TNFAIP6: variants seen among roughly 807,000 people sequenced by gnomAD.
TNFAIP6 encodes the protein tumor necrosis factor-inducible gene 6 protein.
Under a neutral mutation model 33.7 loss-of-function variants are expected in TNFAIP6, and 36 were observed. The observed-to-expected ratio is 1.07, with a 90% CI of 0.82 to 1.41. TNFAIP6 has a LOEUF of 1.41. Ranked by LOEUF, TNFAIP6 falls within the 40% of genes most tolerant of loss-of-function variation. TNFAIP6 has a pLI of 0.00. For missense variants in TNFAIP6, 273 were observed against 331.9 expected (o/e 0.82, Z 1.38); for synonymous variants, 113 against 112.8 (o/e 1.00, Z -0.01).
rs573375932 is a variant in TNFAIP6, at chr2:151,379,040, C to T, written c.665-324C>T. On this transcript the variant is annotated intron_variant, in intron 5 of 5. Transcript: ENST00000243347. ...GCTTGAGCCCGGGAGGCGGAGGTTG[C>T]GGTGAGCCGAGATCGCGCCACAGCA... Among the ~76,000 whole-genome samples, 22 of 152,120 alleles carry T rather than the reference C, an allele frequency of 1.4e-4. No homozygotes were observed. The South Asian group carries it at 3.1e-3, about 22-fold the overall frequency.
chr2:151,362,488 T>G (rs796240576), intron 1 of TNFAIP6, among the ~76,000 whole-genome samples: 269 of 94,394 alleles, frequency 2.8e-3, no homozygotes, highest in South Asian at 8.8e-3. Context: ...TTCTTTTTTT[T>G]TTTTTTTTTT....
chr2:151,366,812 G>A (rs1446393965), intron 3 of TNFAIP6, among the ~76,000 whole-genome samples: 1 of 151,944 alleles, frequency 6.6e-6, no homozygotes, highest in African/African-American at 2.4e-5. Flanking sequence ...GTATATACTA[G>A]CTATCATTAT....
intron 4 of TNFAIP6, among the ~76,000 whole-genome samples, 155 bp from the exon 5 acceptor site, chr2:151,373,389 CCTACT>C (rs1388199206): frequency 6.6e-6 from 1 of 152,092 alleles, no homozygotes; most frequent in African/African-American, 2.4e-5. Context: ...TGTTTTAACT[CCTACT>C]CTCTCTTACA....
Position 151,374,785 on chromosome 2 carries a change from T to C in TNFAIP6, c.664+1196T>C, listed in dbSNP as rs1684874488. On this transcript the variant is annotated intron_variant, in intron 5 of 5. Transcript: ENST00000243347. Reference sequence around the variant, plus strand: ...AAGTTGAAAGAAAACATCTTATTGCTGTAGGAGGTAGTTGGGGGATGAGAA... The same window carrying C: ...AAGTTGAAAGAAAACATCTTATTGCCGTAGGAGGTAGTTGGGGGATGAGAA... Among the ~76,000 whole-genome samples, 3 of 152,170 alleles carry C rather than the reference T, an allele frequency of 2.0e-5. No homozygotes were observed. The South Asian group carries it at 6.2e-4, about 32-fold the overall frequency.
At chr2:151,380,631 CAG>C (rs1419996751), downstream of TNFAIP6, among the ~76,000 whole-genome samples, 2 of 152,102 alleles carry the variant, frequency 1.3e-5, no homozygotes, top group African/African-American at 2.4e-5. Context: ...AGAGCAGAAA[CAG>C]AAAACAAAAA....
At chr2:151,359,159 T>A (rs567417700) in intron 1 of TNFAIP6, among the ~76,000 whole-genome samples, 1 of 152,168 alleles carries the variant, frequency 6.6e-6, no homozygotes, top group Non-Finnish European at 1.5e-5. Context: ...AATTGCAAAT[T>A]GCTTCAATCT....
rs1323469051 is a variant in TNFAIP6, at chr2:151,379,763, T to A, written c.*230T>A. On this transcript the variant is annotated 3_prime_UTR_variant, in exon 6 of 6. Transcript: ENST00000243347. ...CGTTAACATTTTCATATTTTTTTCT[T>A]TCAGTCATTTTTCTATTTGTGGTAT... 1 of 298,726 alleles carries A rather than the reference T, an allele frequency of 3.3e-6. No individual in the cohort carries two copies. The highest frequency in any genetic ancestry group is 6.0e-6 in the Non-Finnish European group (1 of 166,666). 18.5% of individuals were successfully genotyped at this position (298,726 alleles called of 1,614,324 possible).
intron 3 of TNFAIP6, among the ~76,000 whole-genome samples, chr2:151,368,961 G>C (rs956512546): frequency 1.3e-5 from 2 of 152,194 alleles, no homozygotes; most frequent in African/African-American, 2.4e-5. Context: ...GGGAAGCTGA[G>C]GTGGGTCGAT....
At chr2:151,359,492 C>G (rs1012088305) in intron 1 of TNFAIP6, among the ~76,000 whole-genome samples, 1 of 151,614 alleles carries the variant, frequency 6.6e-6, no homozygotes, top group Admixed American at 6.6e-5. Context: ...AGGTTCACGC[C>G]ATTCTCCTGC....
chr2:151,362,198 A>G lies in TNFAIP6; in HGVS notation c.95-1745A>G, dbSNP rs962416396. Among the ~76,000 whole-genome samples the G allele has an allele frequency of 3.3e-5, 5 of 152,298 alleles. No homozygotes were observed. In the South Asian group the frequency reaches 8.3e-4, roughly 25 times the overall value. ...ACTATTGTCCTGGGAATCTTTTCAC[A>G]TTGTTTCTATGGTAGAAGGGACTCC... On this transcript the variant is annotated intron_variant, in intron 1 of 5. Coordinates refer to ENST00000243347, the MANE Select transcript of TNFAIP6 (RefSeq NM_007115.4).
chr2:151,375,207 A>C (rs1239344077), intron 5 of TNFAIP6, among the ~76,000 whole-genome samples: 1 of 151,840 alleles, frequency 6.6e-6, no homozygotes, highest in African/African-American at 2.4e-5. Flanking sequence ...AAATGTAATC[A>C]AATCAGTGGT....
At chr2:151,370,728 T>C (rs1684803014) in intron 4 of TNFAIP6, among the ~76,000 whole-genome samples, 1 of 152,150 alleles carries the variant, frequency 6.6e-6, no homozygotes. Context: ...GATATGTGAG[T>C]TGCAAAAATT....
At chr2:151,359,967 A>G (rs1326820707) in intron 1 of TNFAIP6, among the ~76,000 whole-genome samples, 1 of 152,214 alleles carries the variant, frequency 6.6e-6, no homozygotes, top group Non-Finnish European at 1.5e-5. Context: ...AAATGCACAG[A>G]TAAGCAATTA....
In TNFAIP6 at chr2:151,371,517, C is replaced by T. The variant is rs143957460; in HGVS notation, c.623+1269C>T. Among the ~76,000 whole-genome samples, 585 of 152,144 alleles carry T rather than the reference C, an allele frequency of 3.8e-3. 10 individuals are homozygous for T. The highest frequency in any genetic ancestry group is 0.025 in the Admixed American group (387 of 15,272). Reference sequence around the variant, plus strand: ...ATTTAAATACAAAGAAAACCAAAGGCATTTCTTGCAAAAATGAAGAGTTTT... The same window carrying T: ...ATTTAAATACAAAGAAAACCAAAGGTATTTCTTGCAAAAATGAAGAGTTTT... On this transcript the variant is annotated intron_variant, in intron 4 of 5. Transcript: ENST00000243347.
rs367989180 is a variant in TNFAIP6 at position 151,373,046 on chromosome 2, G to A, written c.624-503G>A. On this transcript the variant is annotated intron_variant, in intron 4 of 5. Coordinates refer to ENST00000243347, the MANE Select transcript of TNFAIP6 (RefSeq NM_007115.4). Reference sequence around the variant, plus strand: ...CTTTAAAATCTCATTGGCTGGGTGCGGTGGCTCACACCTGTAATCCCAACA... The same window carrying A: ...CTTTAAAATCTCATTGGCTGGGTGCAGTGGCTCACACCTGTAATCCCAACA... Among the ~76,000 whole-genome samples, 124 of 152,046 alleles carry A rather than the reference G, an allele frequency of 8.2e-4. 2 individuals carry two copies. The South Asian group carries it at 0.023, about 28-fold the overall frequency.
At chr2:151,379,054 C>T (rs371121516) in intron 5 of TNFAIP6, among the ~76,000 whole-genome samples, 30 of 152,018 alleles carry the variant, frequency 2.0e-4, no homozygotes, top group Non-Finnish European at 3.7e-4. Flanking sequence ...GAGCCGAGAT[C>T]GCGCCACAGC....
intron 1 of TNFAIP6, among the ~76,000 whole-genome samples, chr2:151,359,549 T>G (rs953514433): frequency 6.6e-6 from 1 of 152,028 alleles, no homozygotes; most frequent in Non-Finnish European, 1.5e-5. Flanking sequence ...CCACCACGCC[T>G]GGCTAATTTT....
Position 151,363,300 on chromosome 2 carries a change from C to T in TNFAIP6, c.95-643C>T, listed in dbSNP as rs541202810. On this transcript the variant is annotated intron_variant, in intron 1 of 5. Coordinates refer to ENST00000243347, the MANE Select transcript of TNFAIP6 (RefSeq NM_007115.4). Reference sequence around the variant, plus strand: ...CAGCCTGGGCGACAGAGTGAGACTCCGTCTCACAAAATAAAAATACAAAAT... The same window carrying T: ...CAGCCTGGGCGACAGAGTGAGACTCTGTCTCACAAAATAAAAATACAAAAT... Among the ~76,000 whole-genome samples, 4 of 150,822 alleles carry T rather than the reference C, an allele frequency of 2.7e-5. No homozygotes were observed. The East Asian group carries it at 6.0e-4, about 22-fold the overall frequency.
chr2:151,364,306 A>G (rs965914236), intron 2 of TNFAIP6, among the ~76,000 whole-genome samples: 3 of 152,198 alleles, frequency 2.0e-5, no homozygotes, highest in African/African-American at 7.2e-5. Flanking sequence ...GACCTAATAA[A>G]ATACAAGTCA....
Sources: gnomAD v4.1 joint callset for allele counts (sites outside exome capture counted in the v4.1 genomes callset) on GRCh38, gnomAD v4.1.1 for gene constraint, MANE v1.5 for transcripts, NCBI Gene and HGNC (gene_info 2026-07-23, HGNC 2026-07-21) for gene names.